Variants in DPP10 observed in about 807,000 individuals in gnomAD.
DPP10 encodes the protein dipeptidyl peptidase like 10.
DPP10 carries 33 observed loss-of-function variants against 120.9 expected under a neutral mutation model. That is an observed-to-expected ratio of 0.27 (90% CI 0.21 to 0.37). The LOEUF (loss-of-function observed/expected upper bound fraction) is 0.37. Among genes scored for constraint, DPP10 ranks in the 10% least tolerant of loss-of-function variants. The probability of loss-of-function intolerance (pLI) is 1.00; values close to 1 mark genes in which losing one functional copy is unlikely to be tolerated. For missense variants in DPP10, 816 were observed against 942.8 expected, an observed-to-expected ratio of 0.87 and a Z score of 1.76; for synonymous variants, 337 against 326.1, an observed-to-expected ratio of 1.03 and a Z score of -0.36.
intron 19 of DPP10, among the ~76,000 whole-genome samples, chr2:115,799,783 C>T (rs1028921601): frequency 6.6e-6 from 1 of 151,954 alleles, no homozygotes; most frequent in African/African-American, 2.4e-5. Flanking sequence ...TTTATGGCTG[C>T]ATAGTATTCC....
chr2:114,622,205 G>A (rs890203585), intron 1 of DPP10, among the ~76,000 whole-genome samples: 2 of 151,974 alleles, frequency 1.3e-5, no homozygotes, highest in African/African-American at 4.8e-5. Context: ...TTGGCAGAAA[G>A]CGTGGTATAT....
intron 15 of DPP10, among the ~76,000 whole-genome samples, chr2:115,779,920 G>A (rs11891225): frequency 0.46 from 69,230 of 151,662 alleles, 17,778 homozygotes; most frequent in East Asian, 0.67. Flanking sequence ...TTCAAATATG[G>A]AATTGTGATT....
At chr2:115,572,778 A>G (rs1014076280) in intron 5 of DPP10, among the ~76,000 whole-genome samples, 1 of 152,214 alleles carries the variant, frequency 6.6e-6, no homozygotes, top group East Asian at 1.9e-4. Flanking sequence ...CTTTATTAGA[A>G]AAAGCAAAGT....
At chr2:115,198,598 T>G (rs900055272) in intron 1 of DPP10, among the ~76,000 whole-genome samples, 2 of 152,226 alleles carry the variant, frequency 1.3e-5, no homozygotes, top group African/African-American at 4.8e-5. Context: ...AACACGTTGA[T>G]CAAATTACTT....
chr2:115,561,003 T>C (rs945830759), intron 5 of DPP10, among the ~76,000 whole-genome samples: 5 of 151,948 alleles, frequency 3.3e-5, no homozygotes, highest in Admixed American at 1.3e-4. Context: ...TCGGGAGCCG[T>C]ATGGAAGCTA....
intron 19 of DPP10, among the ~76,000 whole-genome samples, chr2:115,811,255 A>G (rs17045046): frequency 0.018 from 2,779 of 152,286 alleles, 87 homozygotes; most frequent in African/African-American, 0.061. Context: ...GGGTTCAAAA[A>G]TCTTTGGTTC....
intron 1 of DPP10, among the ~76,000 whole-genome samples, chr2:115,086,071 G>A (rs1708668344): frequency 6.6e-6 from 1 of 152,146 alleles, no homozygotes; most frequent in Admixed American, 6.5e-5. Context: ...TCTTGGAATG[G>A]CCCTACAAAG....
chr2:114,862,672 T>C (rs1248028253), intron 1 of DPP10, among the ~76,000 whole-genome samples: 1 of 152,078 alleles, frequency 6.6e-6, no homozygotes, highest in Non-Finnish European at 1.5e-5. Flanking sequence ...GAAATAAATG[T>C]GAAAGCTATA....
chr2:115,751,229 C>G (rs541332778), intron 10 of DPP10, among the ~76,000 whole-genome samples: 1 of 152,252 alleles, frequency 6.6e-6, no homozygotes, highest in South Asian at 2.1e-4. Flanking sequence ...ACTAAATTCT[C>G]TAGAAAAATC....
intron 1 of DPP10, among the ~76,000 whole-genome samples, chr2:114,513,444 C>T: frequency 6.7e-6 from 1 of 148,372 alleles, no homozygotes; most frequent in South Asian, 2.1e-4. Context: ...TTGCTTGAAA[C>T]CGGAAGGCAG....
At chr2:115,067,833 G>T (rs1175311360) in intron 1 of DPP10, among the ~76,000 whole-genome samples, 1 of 134,036 alleles carries the variant, frequency 7.5e-6, no homozygotes, top group Non-Finnish European at 1.5e-5. Flanking sequence ...CTGCACTCCA[G>T]CCTGGGCGAC....
intron 1 of DPP10, among the ~76,000 whole-genome samples, chr2:114,950,627 A>G (rs1038909705): frequency 6.6e-6 from 1 of 151,780 alleles, no homozygotes; most frequent in Non-Finnish European, 1.5e-5. Flanking sequence ...TACAACTTAG[A>G]ACACCTTTGG....
chr2:114,864,172 C>A (rs1553443979), intron 1 of DPP10, among the ~76,000 whole-genome samples: 1 of 152,118 alleles, frequency 6.6e-6, no homozygotes, highest in Non-Finnish European at 1.5e-5. Context: ...TCAGATATGA[C>A]CTCTCTTTTT....
chr2:115,109,213 T>C (rs1296730123), intron 1 of DPP10, among the ~76,000 whole-genome samples: 1 of 152,126 alleles, frequency 6.6e-6, no homozygotes, highest in Non-Finnish European at 1.5e-5. Context: ...TTAACCCTAA[T>C]GCTTTCTAGA....
intron 1 of DPP10, among the ~76,000 whole-genome samples, chr2:115,078,915 G>GATA (rs921374991): frequency 2.0e-5 from 3 of 152,118 alleles, no homozygotes; most frequent in African/African-American, 7.2e-5. Context: ...ATGCTGAAGA[G>GATA]ATATTTATAG....
At chr2:115,745,406 A>T (rs1041676221) in intron 9 of DPP10, among the ~76,000 whole-genome samples, 1 of 150,474 alleles carries the variant, frequency 6.6e-6, no homozygotes, top group Non-Finnish European at 1.5e-5. Flanking sequence ...TGAAGTGTTG[A>T]TTCACTGAAC....
intron 1 of DPP10, chr2:115,161,461 C>G (rs183281044): frequency 6.6e-6 from 1 of 151,314 alleles, no homozygotes; most frequent in Non-Finnish European, 1.5e-5. Context: ...TGGGGGCTCT[C>G]GCGCCGCTCC....
intron 1 of DPP10, among the ~76,000 whole-genome samples, chr2:115,269,532 A>G (rs769360217): frequency 2.6e-5 from 4 of 152,082 alleles, no homozygotes; most frequent in Admixed American, 1.3e-4. Flanking sequence ...ATCTGCTTCC[A>G]AGCTTACTTG....
chr2:115,278,471 A>C (rs1208058601), intron 1 of DPP10, among the ~76,000 whole-genome samples: 2 of 152,140 alleles, frequency 1.3e-5, no homozygotes, highest in African/African-American at 4.8e-5. Flanking sequence ...AAAGGCATAC[A>C]TGAGGCTGAG....
Sources: gnomAD v4.1 joint callset for allele counts (sites outside exome capture counted in the v4.1 genomes callset) on GRCh38, gnomAD v4.1.1 for gene constraint, MANE v1.5 for transcripts, NCBI Gene and HGNC (gene_info 2026-07-23, HGNC 2026-07-21) for gene names.